COQ2: variants seen among roughly 807,000 people sequenced by gnomAD.
COQ2 encodes coenzyme Q2, polyprenyltransferase.
COQ2 carries 25 observed loss-of-function variants against 35.7 expected under a neutral mutation model. The observed-to-expected ratio is 0.70, with a 90% CI of 0.51 to 0.98. COQ2 has a LOEUF of 0.98. Among genes scored for constraint, COQ2 ranks in the 50% least tolerant of loss-of-function variants. The probability of loss-of-function intolerance (pLI) is 0.00; values close to 1 mark genes in which losing one functional copy is unlikely to be tolerated. For missense variants in COQ2, 488 were observed against 473.5 expected (o/e 1.03, Z -0.28); for synonymous variants, 206 against 186.2 (o/e 1.11, Z -0.86).
At chr4:83,268,931 T>C (rs1254048609) in intron 5 of COQ2, among the ~76,000 whole-genome samples, 1 of 152,208 alleles carries the variant, frequency 6.6e-6, no homozygotes, top group Non-Finnish European at 1.5e-5. Context: ...TCTCAGAACA[T>C]GTACTATCAA....
At chr4:83,284,000 C>T (rs1735389393) in intron 1 of COQ2, 1 of 985,316 alleles carries the variant, frequency 1.0e-6, no homozygotes. Flanking sequence ...AGCATCAAAA[C>T]ACAGAGTTCT....
intron 1 of COQ2, among the ~76,000 whole-genome samples, chr4:83,280,053 C>T (rs1735282233): frequency 6.6e-6 from 1 of 152,076 alleles, no homozygotes; most frequent in Non-Finnish European, 1.5e-5. Context: ...TAGTTGCAAA[C>T]TCTTGGCCTC....
At chr4:83,277,863 G>A (rs1735219755) in intron 2 of COQ2, among the ~76,000 whole-genome samples, 1 of 151,968 alleles carries the variant, frequency 6.6e-6, no homozygotes, top group African/African-American at 2.4e-5. Context: ...CAGCTACTCA[G>A]GAGGCTGAGG....
At chr4:83,282,728 T>A (rs926389340) in intron 1 of COQ2, 2 of 155,332 alleles carry the variant, frequency 1.3e-5, no homozygotes, top group African/African-American at 4.8e-5. Flanking sequence ...TCATTAATAG[T>A]ATCTTCATTT....
chr4:83,284,982 A>G (rs551289426), upstream of COQ2: 1 of 1,081,648 alleles, frequency 9.2e-7, no homozygotes, highest in South Asian at 1.6e-5. Flanking sequence ...AGGCAAAAAA[A>G]TTACAATAAA....
intron 2 of COQ2, among the ~76,000 whole-genome samples, chr4:83,275,250 TTA>T (rs1475450612): frequency 2.6e-5 from 4 of 152,228 alleles, no homozygotes; most frequent in African/African-American, 9.6e-5. Context: ...CATTTAAGTA[TTA>T]TGTCATGAGA....
At chr4:83,279,860 CTTTTT>C (rs11420227) in intron 1 of COQ2, among the ~76,000 whole-genome samples, 2 of 130,182 alleles carry the variant, frequency 1.5e-5, no homozygotes, top group African/African-American at 2.8e-5. Context: ...ACGGTCTAGT[CTTTTT>C]TTTTTTTTTT....
intron 1 of COQ2, among the ~76,000 whole-genome samples, chr4:83,282,866 C>T (rs1735358743): frequency 6.6e-6 from 1 of 152,162 alleles, no homozygotes; most frequent in Non-Finnish European, 1.5e-5. Context: ...TTGTTGCCTT[C>T]TGTTACATGG....
chr4:83,264,450 C>A, intron 6 of COQ2, 87 bp from the exon 7 acceptor site: 1 of 1,456,188 alleles, frequency 6.9e-7, no homozygotes, highest in Admixed American at 2.8e-5. Context: ...GAGGAGAAAA[C>A]AGCAAATACA....
At chr4:83,264,874 T>C (rs1333026933) in intron 6 of COQ2, among the ~76,000 whole-genome samples, 1 of 152,202 alleles carries the variant, frequency 6.6e-6, no homozygotes, top group Non-Finnish European at 1.5e-5. Flanking sequence ...AGTTTCTCAA[T>C]GGAGAACAAG....
chr4:83,269,755 C>A, intron 5 of COQ2, 105 bp downstream of exon 5: 1 of 1,065,696 alleles, frequency 9.4e-7, no homozygotes, highest in East Asian at 3.2e-5. Flanking sequence ...TCTTAAAGTT[C>A]TTAAAAAACA....
chr4:83,281,656 G>A (rs953728918), intron 1 of COQ2: 1 of 152,138 alleles, frequency 6.6e-6, no homozygotes, highest in African/African-American at 2.4e-5. Context: ...TATGACAACC[G>A]TAATAACAGA....
intron 5 of COQ2, among the ~76,000 whole-genome samples, 153 bp downstream of exon 5, chr4:83,269,704 TTTC>T: frequency 6.6e-6 from 1 of 152,198 alleles, no homozygotes; most frequent in Non-Finnish European, 1.5e-5. Context: ...TGTGAATGAC[TTTC>T]TTTTTAGAAA....
intron 6 of COQ2, among the ~76,000 whole-genome samples, chr4:83,265,581 AAACAAC>A (rs144320009): frequency 1.8e-4 from 27 of 151,662 alleles, no homozygotes; most frequent in Admixed American, 7.2e-4. Flanking sequence ...GTTTCAAAAC[AAACAAC>A]AACAACAACA....
At position 83,264,213 on chromosome 4, in the gene COQ2, T is replaced by C. The variant is rs1352076705; in HGVS notation, c.1102A>G (p.Lys368Glu). 6.9e-7 allele frequency: 1 copy of C among 1,440,944 alleles called. No homozygotes were observed. The highest frequency in any genetic ancestry group is 9.5e-7 in the Non-Finnish European group (1 of 1,056,120). The allele number at this position is 1,440,944 out of a possible 1,614,324, so 89.3% of individuals were successfully genotyped here. The stretch of plus-strand genomic sequence containing the variant: ...AATTTCATTCATTAATTTTCTATTT[T>C]ATTCTCTATACCCTTCTTTGTTTTG... The part of the protein sequence containing the change: ...TDKTKKGIEN[K>E]IEN Residue 368 changes from lysine to glutamate, a missense_variant, in exon 7 of 7, where the codon AAA (lysine) becomes GAA (glutamate). By Grantham distance (56) the Lys-to-Glu change is moderately conservative. Transcript: ENST00000647002.
intron 3 of COQ2, 75 bp downstream of exon 3, chr4:83,273,421 A>G: frequency 1.4e-6 from 2 of 1,452,962 alleles, no homozygotes; most frequent in Non-Finnish European, 9.4e-7. Context: ...TGTGATAAAG[A>G]TATTTCATTT....
intron 1 of COQ2, among the ~76,000 whole-genome samples, chr4:83,282,154 G>C (rs1453781621): frequency 6.6e-6 from 1 of 152,152 alleles, no homozygotes; most frequent in African/African-American, 2.4e-5. Context: ...AAAAACAGAT[G>C]ATCTTCAAGA....
chr4:83,270,017 G>T, intron 4 of COQ2, 24 bp from the exon 5 acceptor site: 1 of 1,612,510 alleles, frequency 6.2e-7, no homozygotes, highest in Non-Finnish European at 8.5e-7. Flanking sequence ...AACACAAAAA[G>T]GGGGAAAGTC....
Position 83,267,641 on chromosome 4 carries a change from T to G in COQ2, c.896A>C (p.Gln299Pro). Residue 299 changes from glutamine to proline, a missense_variant, in exon 6 of 7, where the codon CAG becomes CCG. By Grantham distance (76) the Gln-to-Pro change is moderately conservative. Coordinates refer to ENST00000647002, the MANE Select transcript of COQ2 (RefSeq NM_001358921.2). ...ALSLVGVNSGQTAPYYAALGA... is the reference protein window; with the variant it reads ...ALSLVGVNSGPTAPYYAALGA... ...CAGGGCAGCGTAGTAGGGAGCAGTC[T>G]GTCCACTGTTCACACCCACTAGGCT... is the stretch of plus-strand genomic sequence containing the variant. The G allele has an allele frequency of 6.3e-7, 1 of 1,582,526 alleles. No individual in the cohort carries two copies. The highest frequency in any genetic ancestry group is 2.3e-5 in the East Asian group (1 of 42,964).
Sources: allele counts gnomAD v4.1 joint callset (sites outside exome capture counted in the v4.1 genomes callset), GRCh38; gene constraint gnomAD v4.1.1; transcripts MANE v1.5; gene names NCBI Gene and HGNC (gene_info 2026-07-23, HGNC 2026-07-21).